Variants in AMOTL1 observed in about 807,000 individuals in gnomAD.
AMOTL1 encodes angiomotin like 1.
In AMOTL1, 45 loss-of-function variants were observed where a neutral mutation model predicts 102.9. The ratio of observed to expected loss-of-function variants is 0.44; its 90% CI spans 0.34 to 0.56. The LOEUF (loss-of-function observed/expected upper bound fraction) is 0.56. AMOTL1 is among the 20% of genes least tolerant of loss of function. The probability of loss-of-function intolerance (pLI) is 0.01; values close to 1 mark genes in which losing one functional copy is unlikely to be tolerated. For missense variants in AMOTL1, 1,114 were observed against 1,225.6 expected (o/e 0.91, Z 1.36); for synonymous variants, 481 against 484.7 (o/e 0.99, Z 0.10).
At chr11:94,726,788 C>G (rs1950267614) in intron 1 of AMOTL1, among the ~76,000 whole-genome samples, 1 of 152,126 alleles carries the variant, frequency 6.6e-6, no homozygotes, top group African/African-American at 2.4e-5. Flanking sequence ...CTGAGCAACT[C>G]TGGGGCTTCC....
At chr11:94,756,066 G>A (rs1268717365) in intron 3 of AMOTL1, among the ~76,000 whole-genome samples, 1 of 152,132 alleles carries the variant, frequency 6.6e-6, no homozygotes. Context: ...CTGGAGTCAG[G>A]CTGCTCAGCA....
At chr11:94,822,754 G>A (rs1200510680) in intron 4 of AMOTL1, among the ~76,000 whole-genome samples, 2 of 152,156 alleles carry the variant, frequency 1.3e-5, no homozygotes, top group African/African-American at 2.4e-5. Context: ...CAGCAAGAAC[G>A]AGCTGTTGCT....
chr11:94,707,563 C>T (rs919129593), intron 1 of AMOTL1, among the ~76,000 whole-genome samples: 2 of 152,090 alleles, frequency 1.3e-5, no homozygotes, highest in African/African-American at 4.8e-5. Context: ...TCATCTATAA[C>T]CTATACAGGG....
chr11:94,779,424 C>A (rs529912081), intron 1 of AMOTL1, among the ~76,000 whole-genome samples: 1 of 152,064 alleles, frequency 6.6e-6, no homozygotes, highest in Non-Finnish European at 1.5e-5. Flanking sequence ...AATACAAGTA[C>A]GCAAGATAGT....
chr11:94,793,894 C>G (rs896347193), intron 1 of AMOTL1, among the ~76,000 whole-genome samples: 2 of 152,148 alleles, frequency 1.3e-5, no homozygotes, highest in Admixed American at 1.3e-4. Flanking sequence ...TCTTTCTAGT[C>G]CAAAATGTGC....
chr11:94,832,132 T>C (rs1345410821), intron 6 of AMOTL1, among the ~76,000 whole-genome samples: 1 of 152,272 alleles, frequency 6.6e-6, no homozygotes, highest in Non-Finnish European at 1.5e-5. Context: ...TAGAATCAAA[T>C]GGATTTTGAG....
chr11:94,720,352 C>G (rs1424789894), intron 1 of AMOTL1, among the ~76,000 whole-genome samples: 1 of 152,102 alleles, frequency 6.6e-6, no homozygotes, highest in African/African-American at 2.4e-5. Context: ...AACAGCGAAA[C>G]AGCTGCACCT....
intron 1 of AMOTL1, among the ~76,000 whole-genome samples, chr11:94,780,885 CAG>C (rs952113326): frequency 1.3e-5 from 2 of 152,162 alleles, no homozygotes; most frequent in Non-Finnish European, 2.9e-5. Flanking sequence ...CAAACAAAAA[CAG>C]AAAGTATGGC....
intron 1 of AMOTL1, among the ~76,000 whole-genome samples, chr11:94,778,566 A>G (rs1381208755): frequency 6.6e-6 from 1 of 152,246 alleles, no homozygotes; most frequent in East Asian, 1.9e-4. Flanking sequence ...TTGTTAGGAG[A>G]AATACATGCT....
At chr11:94,734,515 T>C (rs1178142118) in intron 2 of AMOTL1, among the ~76,000 whole-genome samples, 1 of 152,214 alleles carries the variant, frequency 6.6e-6, no homozygotes, top group Non-Finnish European at 1.5e-5. Context: ...GATGAAACCT[T>C]ACTGATAGGC....
At chr11:94,822,946 T>G (rs1368707509) in intron 4 of AMOTL1, among the ~76,000 whole-genome samples, 2 of 152,180 alleles carry the variant, frequency 1.3e-5, no homozygotes, top group Non-Finnish European at 2.9e-5. Flanking sequence ...AAGTGCGGGC[T>G]CTTCCCTTGG....
chr11:94,812,317 C>G (rs1397110413), intron 3 of AMOTL1, among the ~76,000 whole-genome samples: 2 of 151,892 alleles, frequency 1.3e-5, no homozygotes, highest in Non-Finnish European at 2.9e-5. Flanking sequence ...TGGTTTGGTC[C>G]AGAAGGGCAG....
At chr11:94,724,989 G>A (rs1383907014) in intron 1 of AMOTL1, among the ~76,000 whole-genome samples, 1 of 152,112 alleles carries the variant, frequency 6.6e-6, no homozygotes, top group African/African-American at 2.4e-5. Context: ...GGCAATTAAG[G>A]CATAGTCAAT....
chr11:94,852,621 G>A (rs543127207), intron 7 of AMOTL1, among the ~76,000 whole-genome samples: 24 of 152,336 alleles, frequency 1.6e-4, no homozygotes, highest in Non-Finnish European at 3.4e-4. Context: ...AGAGTTGGAA[G>A]TTGTTGGTCA....
At chr11:94,856,546 G>T (rs1446163246) in intron 8 of AMOTL1, among the ~76,000 whole-genome samples, 4 of 152,154 alleles carry the variant, frequency 2.6e-5, no homozygotes, top group African/African-American at 9.7e-5. Context: ...GTCCGGGAAA[G>T]GGGATCCAGG....
intron 1 of AMOTL1, among the ~76,000 whole-genome samples, chr11:94,777,941 T>A (rs975621434): frequency 2.6e-5 from 4 of 152,218 alleles, no homozygotes; most frequent in African/African-American, 7.2e-5. Flanking sequence ...GGGTCTGTCA[T>A]GTGCCAGGAA....
At chr11:94,794,484 A>G (rs1455465551) in intron 1 of AMOTL1, among the ~76,000 whole-genome samples, 1 of 152,206 alleles carries the variant, frequency 6.6e-6, no homozygotes, top group African/African-American at 2.4e-5. Context: ...CCAGCTCCAC[A>G]CTGTAACATT....
At chr11:94,839,509 A>G (rs1952252867) in intron 6 of AMOTL1, among the ~76,000 whole-genome samples, 1 of 152,174 alleles carries the variant, frequency 6.6e-6, no homozygotes, top group Non-Finnish European at 1.5e-5. Context: ...CTGGAGCCCA[A>G]ACTTATACTG....
chr11:94,826,804 A>C (rs1033160030), intron 4 of AMOTL1, among the ~76,000 whole-genome samples: 3 of 152,182 alleles, frequency 2.0e-5, no homozygotes, highest in Admixed American at 6.5e-5. Context: ...CATAGCATGC[A>C]CTGAAGGGGA....
Sources: gnomAD v4.1 joint callset for allele counts (sites outside exome capture counted in the v4.1 genomes callset) on GRCh38, gnomAD v4.1.1 for gene constraint, MANE v1.5 for transcripts, NCBI Gene and HGNC (gene_info 2026-07-23, HGNC 2026-07-21) for gene names.